FBXL17: variants seen among roughly 807,000 people sequenced by gnomAD.
FBXL17 encodes the protein F-box/LRR-repeat protein 17.
Under a neutral mutation model 66.2 loss-of-function variants are expected in FBXL17, and 22 were observed. The observed-to-expected ratio is 0.33, with a 90% CI of 0.24 to 0.47. FBXL17 has a LOEUF of 0.47. FBXL17 is among the 20% of genes least tolerant of loss of function. The pLI is 1.00. For synonymous variants in FBXL17, 474 were observed against 400.5 expected, an observed-to-expected ratio of 1.18 and a Z score of -2.19; for missense variants, 878 against 948.2, an observed-to-expected ratio of 0.93 and a Z score of 0.97.
At chr5:108,359,426 T>C (rs1408723183) in intron 3 of FBXL17, among the ~76,000 whole-genome samples, 1 of 152,134 alleles carries the variant, frequency 6.6e-6, no homozygotes, top group Non-Finnish European at 1.5e-5. Flanking sequence ...TAATGTAAGA[T>C]TGTACAGCTA....
chr5:108,376,278 C>A (rs114738016), intron 1 of FBXL17, among the ~76,000 whole-genome samples: 2,018 of 152,164 alleles, frequency 0.013, 44 homozygotes, highest in African/African-American at 0.047. Context: ...CTGGCTAGGG[C>A]AATTAGACAT....
intron 7 of FBXL17, among the ~76,000 whole-genome samples, chr5:107,912,614 A>G (rs113364071): frequency 1.3e-3 from 200 of 152,256 alleles, no homozygotes; most frequent in African/African-American, 4.0e-3. Context: ...AATACGATAA[A>G]TTTTGGATGG....
chr5:108,359,237 T>A (rs185961683), intron 3 of FBXL17, among the ~76,000 whole-genome samples: 19 of 152,260 alleles, frequency 1.2e-4, no homozygotes, highest in African/African-American at 3.4e-4. Flanking sequence ...CAGAGTTTTT[T>A]AAAATCTTTT....
intron 4 of FBXL17, among the ~76,000 whole-genome samples, chr5:108,306,336 G>GCAA (rs1758840313): frequency 6.6e-6 from 1 of 152,038 alleles, no homozygotes; most frequent in African/African-American, 2.4e-5. Flanking sequence ...GTCTCCAAGA[G>GCAA]CAACTTTTTA....
intron 5 of FBXL17, among the ~76,000 whole-genome samples, chr5:108,187,378 A>C (rs530829724): frequency 8.2e-4 from 125 of 152,206 alleles, no homozygotes; most frequent in Non-Finnish European, 1.5e-3. Context: ...TTACCTTATA[A>C]GGCAAAGGGG....
At chr5:108,298,362 G>A (rs1284312753) in intron 4 of FBXL17, 1 of 982,242 alleles carries the variant, frequency 1.0e-6, no homozygotes, top group Non-Finnish European at 1.2e-6. Context: ...TGTGCATAGA[G>A]AAAGTTATTT....
At chr5:107,980,887 GC>G (rs1752797298) in intron 7 of FBXL17, among the ~76,000 whole-genome samples, 1 of 149,568 alleles carries the variant, frequency 6.7e-6, no homozygotes, top group Non-Finnish European at 1.5e-5. Flanking sequence ...CTCGTGATCC[GC>G]CCGCCTCGGC....
intron 6 of FBXL17, among the ~76,000 whole-genome samples, chr5:108,137,222 C>G (rs573769858): frequency 1.1e-4 from 16 of 152,072 alleles, no homozygotes; most frequent in African/African-American, 3.6e-4. Flanking sequence ...TCAGTGTAAT[C>G]TCTTGTAAGT....
intron 1 of FBXL17, among the ~76,000 whole-genome samples, chr5:108,377,082 T>A (rs1488241473): frequency 6.6e-6 from 1 of 152,206 alleles, no homozygotes. Context: ...CTGAATATCT[T>A]AGTTTTCAGC....
intron 6 of FBXL17, among the ~76,000 whole-genome samples, chr5:108,177,740 G>C (rs1393121394): frequency 2.0e-5 from 3 of 151,790 alleles, no homozygotes; most frequent in Admixed American, 6.6e-5. Flanking sequence ...ACTATTCAAC[G>C]TGTCTGGGCC....
chr5:107,888,730 A>G (rs540094726), intron 7 of FBXL17, among the ~76,000 whole-genome samples: 48 of 151,978 alleles, frequency 3.2e-4, no homozygotes, highest in African/African-American at 1.1e-3. Context: ...ATAATGTTTC[A>G]TTCTGCTGAT....
chr5:107,949,155 T>A (rs1226529322), intron 7 of FBXL17, among the ~76,000 whole-genome samples: 1 of 147,362 alleles, frequency 6.8e-6, no homozygotes, highest in Non-Finnish European at 1.5e-5. Flanking sequence ...CACAGTGGCT[T>A]CCACACCACA....
At chr5:108,380,241 G>A (rs953348200) in intron 1 of FBXL17, among the ~76,000 whole-genome samples, 3 of 152,100 alleles carry the variant, frequency 2.0e-5, no homozygotes, top group Non-Finnish European at 2.9e-5. Flanking sequence ...ATAAAGTCTG[G>A]CGCAGTGCCT....
chr5:108,241,908 A>G (rs982391552), intron 4 of FBXL17, among the ~76,000 whole-genome samples: 1 of 152,188 alleles, frequency 6.6e-6, no homozygotes, highest in African/African-American at 2.4e-5. Context: ...CTAGAATAGT[A>G]TATCTAACCA....
chr5:107,988,362 AT>A (rs1451778289), intron 7 of FBXL17, among the ~76,000 whole-genome samples: 15 of 151,776 alleles, frequency 9.9e-5, no homozygotes, highest in Non-Finnish European at 1.5e-4. Flanking sequence ...TGCAATTAAA[AT>A]TTTTTTTCAA....
chr5:108,030,439 C>T (rs1234979291), intron 6 of FBXL17, among the ~76,000 whole-genome samples: 1 of 152,100 alleles, frequency 6.6e-6, no homozygotes, highest in East Asian at 1.9e-4. Context: ...CAGTGGGTAC[C>T]TCTGCAGGCA....
intron 1 of FBXL17, among the ~76,000 whole-genome samples, chr5:108,368,915 T>TAAAAAAAA (rs373667446): frequency 7.0e-6 from 1 of 142,930 alleles, no homozygotes; most frequent in African/African-American, 2.6e-5. Flanking sequence ...TACAAGGATT[T>TAAAAAAAA]AAAAAAAAAA....
At chr5:108,367,052 T>C (rs547685286) in intron 2 of FBXL17, among the ~76,000 whole-genome samples, 1 of 152,126 alleles carries the variant, frequency 6.6e-6, no homozygotes, top group Non-Finnish European at 1.5e-5. Flanking sequence ...ATCAGGGCTT[T>C]TTTTTAAAGA....
chr5:107,964,997 TG>T (rs1752065064), intron 7 of FBXL17, among the ~76,000 whole-genome samples: 1 of 152,116 alleles, frequency 6.6e-6, no homozygotes, highest in African/African-American at 2.4e-5. Flanking sequence ...AAGCCTGACC[TG>T]CTATAAACAG....
Sources: gnomAD v4.1 joint callset for allele counts (sites outside exome capture counted in the v4.1 genomes callset) on GRCh38, gnomAD v4.1.1 for gene constraint, MANE v1.5 for transcripts, NCBI Gene and HGNC (gene_info 2026-07-23, HGNC 2026-07-21) for gene names.